The following MEGF6 variants were observed in gnomAD, a reference collection of about 807,000 sequenced individuals.
MEGF6 encodes multiple EGF like domains 6.
Under a neutral mutation model 207.1 loss-of-function variants are expected in MEGF6, and 184 were observed. That is an observed-to-expected ratio of 0.89 (90% confidence interval 0.79 to 1.00). MEGF6 has a LOEUF of 1.00. Ranked by LOEUF, MEGF6 falls within the 50% of genes least tolerant of loss-of-function variation. MEGF6 has a pLI of 0.00. For synonymous variants in MEGF6, 1,038 were observed against 910.0 expected (o/e 1.14, Z -2.53); for missense variants, 2,282 against 2,202.9 (o/e 1.04, Z -0.72).
the MEGF6 span, among the ~76,000 whole-genome samples, chr1:3,621,664 C>T: frequency 6.6e-6 from 1 of 152,158 alleles, no homozygotes; most frequent in Admixed American, 6.5e-5. Flanking sequence ...AGTGGAGCTA[C>T]GAGAAGGGGG....
chr1:3,619,654 T>C, the MEGF6 span, among the ~76,000 whole-genome samples: 30 of 149,646 alleles, frequency 2.0e-4, no homozygotes, highest in Middle Eastern at 3.4e-3. Context: ...TCTTCCGCCA[T>C]GACTGTAAGT....
At chr1:3,574,791 C>T (rs751293665) in intron 4 of MEGF6, among the ~76,000 whole-genome samples, 15 of 152,142 alleles carry the variant, frequency 9.9e-5, no homozygotes, top group Admixed American at 2.6e-4. Context: ...TAGAGGCGCC[C>T]GCCACCACAC....
At chr1:3,585,901 CGTCCTGTGTGTGGGTGTGAGTGACACAT>C in intron 3 of MEGF6, among the ~76,000 whole-genome samples, 1 of 113,420 alleles carries the variant, frequency 8.8e-6, no homozygotes, top group African/African-American at 3.5e-5. Flanking sequence ...TGTGTGGACA[CGTCCTGTGTGTGGGTGTGAGTGACACAT>C]GTCCTGTGTG....
intron 17 of MEGF6, among the ~76,000 whole-genome samples, 182 bp from the exon 18 acceptor site, chr1:3,502,103 A>T (rs1482079584): frequency 2.8e-4 from 14 of 50,504 alleles, no homozygotes; most frequent in Non-Finnish European, 4.6e-4. Context: ...GCCTCCTCAC[A>T]TGGGCTCTGG....
rs12075570 is a variant in MEGF6 at position 3,494,409 on chromosome 1, C to T, written c.4091G>A (p.Arg1364His). 49,942 of 1,549,128 alleles carry T rather than the reference C, an allele frequency of 0.032. 1,486 individuals carry two copies. The highest frequency in any genetic ancestry group is 0.14 in the African/African-American group (10,141 of 73,210). ...STCEPATGTC[R>H]CGPGFYGQAC... is the part of the protein sequence containing the mutation. ...CTGGCCATAGAAGCCGGGGCCGCAG[C>T]GGCAGGTGCCCGTGGCAGGCTCACA... Residue 1364 changes from arginine to histidine, a missense_variant, in exon 32 of 37, where the codon CGC becomes CAC. Physicochemically the swap from Arg to His is conservative, Grantham distance 29. Coordinates refer to ENST00000356575, the MANE Select transcript of MEGF6 (RefSeq NM_001409.4).
At chr1:3,620,798 A>G in the MEGF6 span, among the ~76,000 whole-genome samples, 121,100 of 152,206 alleles carry the variant, frequency 0.8, 48,340 homozygotes, top group East Asian at 0.98. Context: ...GACCGGTAGC[A>G]GCCCCGAATG....
In MEGF6 at chr1:3,556,956, G is replaced by GC. The variant is rs1643052572; in HGVS notation, c.481+22868dup. 1.3e-5 allele frequency among the ~76,000 whole-genome samples: 2 copies of GC among 152,340 alleles called. No homozygotes were observed. The highest frequency in any genetic ancestry group is 4.8e-5 in the African/African-American group (2 of 41,588). The stretch of plus-strand genomic sequence containing the variant: ...AAGCCGATCCCGGCTTATCTGGGGG[G>GC]CCTGGTGGAATCACATGGAGTTTCA... On this transcript the variant is annotated intron_variant, in intron 4 of 36. Coordinates refer to ENST00000356575, the MANE Select transcript of MEGF6 (RefSeq NM_001409.4). This position sits in a 1 kb window ranked among gnomAD's most constrained non-coding sequence, Gnocchi z 4.4.
At chr1:3,582,051 A>C (rs1331089993) in intron 3 of MEGF6, among the ~76,000 whole-genome samples, 3 of 152,166 alleles carry the variant, frequency 2.0e-5, no homozygotes, top group Non-Finnish European at 4.4e-5. Context: ...ACCATCTCTC[A>C]AGGCAGGCGG....
Position 3,572,943 on chromosome 1 carries a change from C to G in MEGF6, c.481+6882G>C, listed in dbSNP as rs184595003. 4.1e-4 allele frequency among the ~76,000 whole-genome samples: 60 copies of G among 145,212 alleles called. 1 individual carries two copies. The highest frequency in any genetic ancestry group is 1.5e-3 in the African/African-American group (56 of 38,504). On this transcript the variant is annotated intron_variant, in intron 4 of 36. Coordinates refer to ENST00000356575, the MANE Select transcript of MEGF6 (RefSeq NM_001409.4). The stretch of plus-strand genomic sequence containing the variant: ...GGGTCCTTCCTGGGTGTGCTGGGTT[C>G]TTCTGGGTGTACTGAGTCCTTCCTG...
At chr1:3,552,054 C>T (rs1642905948) in intron 4 of MEGF6, among the ~76,000 whole-genome samples, 2 of 152,186 alleles carry the variant, frequency 1.3e-5, no homozygotes, top group Admixed American at 1.3e-4. Context: ...GGGACCCCTG[C>T]TCTGGACACG....
intron 4 of MEGF6, among the ~76,000 whole-genome samples, chr1:3,566,119 C>T (rs60955331): frequency 0.027 from 4,154 of 152,304 alleles, 180 homozygotes; most frequent in African/African-American, 0.093. Context: ...GCTGTCAGCA[C>T]CTCAGTCACC....
chr1:3,550,412 G>A (rs1157167249), intron 4 of MEGF6, among the ~76,000 whole-genome samples: 1 of 152,184 alleles, frequency 6.6e-6, no homozygotes, highest in African/African-American at 2.4e-5. Context: ...TGGCGGGTCT[G>A]GGGTCTCCTG....
In MEGF6 at chr1:3,542,212, TGGATGGGTGG is replaced by T. The variant is rs532836632; in HGVS notation, c.482-17976_482-17967del. Among the ~76,000 whole-genome samples, 983 of 152,310 alleles carry T rather than the reference TGGATGGGTGG, an allele frequency of 6.5e-3. 6 individuals are homozygous for T. The highest frequency in any genetic ancestry group is 0.011 in the Non-Finnish European group (735 of 68,016). On this transcript the variant is annotated intron_variant, in intron 4 of 36. Transcript: ENST00000356575. Reference sequence around the variant, plus strand: ...AGTGTGGGAAGGCAGCCCTCGGGCCTGGATGGGTGGGGTCCACCCGGCCCTGGAGGCCAAA... The same window carrying T: ...AGTGTGGGAAGGCAGCCCTCGGGCCTGGTCCACCCGGCCCTGGAGGCCAAA...
chr1:3,541,653 C>T (rs1437895549), intron 4 of MEGF6, among the ~76,000 whole-genome samples: 1 of 152,204 alleles, frequency 6.6e-6, no homozygotes, highest in East Asian at 1.9e-4. Flanking sequence ...GCCCGCAGCC[C>T]TCGGTCACTT....
At chr1:3,521,312 C>T (rs896368537) in intron 5 of MEGF6, among the ~76,000 whole-genome samples, 5 of 152,152 alleles carry the variant, frequency 3.3e-5, no homozygotes, top group African/African-American at 7.2e-5. Flanking sequence ...CAGTGGAGGG[C>T]GAAGGGTCCC....
chr1:3,498,052 G>A (rs1202852870), intron 26 of MEGF6, among the ~76,000 whole-genome samples: 1 of 152,150 alleles, frequency 6.6e-6, no homozygotes, highest in Non-Finnish European at 1.5e-5. Context: ...GACAAGGGGT[G>A]AAGGGGCCCC....
chr1:3,509,004 A>T, intron 12 of MEGF6, 71 bp downstream of exon 12: 2 of 1,429,124 alleles, frequency 1.4e-6, no homozygotes, highest in Non-Finnish European at 1.8e-6. Flanking sequence ...ATTGGATGGC[A>T]GCCTAGCCCG....
At chr1:3,584,618 C>T (rs1352616110) in intron 3 of MEGF6, among the ~76,000 whole-genome samples, 3 of 152,222 alleles carry the variant, frequency 2.0e-5, no homozygotes, top group Admixed American at 6.5e-5. Flanking sequence ...GGCCTGTGTT[C>T]CCCCACACCA....
At position 3,565,831 on chromosome 1, in the gene MEGF6, G is replaced by T. The variant is rs7518226; in HGVS notation, c.481+13994C>A. On this transcript the variant is annotated intron_variant, in intron 4 of 36. Coordinates refer to ENST00000356575, the MANE Select transcript of MEGF6 (RefSeq NM_001409.4). This position sits in a 1 kb window ranked among gnomAD's most constrained non-coding sequence, Gnocchi z 4.8. ...TGCCTTCCAACTCTGCTCCAGCCACGCTCGGCATTCCGTCCAGGGCAGGCA... is the reference window on the plus strand; with the variant it reads ...TGCCTTCCAACTCTGCTCCAGCCACTCTCGGCATTCCGTCCAGGGCAGGCA... 2.0e-5 allele frequency among the ~76,000 whole-genome samples: 3 copies of T among 152,122 alleles called. No homozygotes were observed. The highest frequency in any genetic ancestry group is 7.2e-5 in the African/African-American group (3 of 41,394).
Sources: allele counts gnomAD v4.1 joint callset (sites outside exome capture counted in the v4.1 genomes callset), GRCh38; gene constraint gnomAD v4.1.1; non-coding constraint Gnocchi (gnomAD v3.1); transcripts MANE v1.5; gene names NCBI Gene and HGNC (gene_info 2026-07-23, HGNC 2026-07-21).